CFAP251: variants seen among roughly 807,000 people sequenced by gnomAD.
The protein encoded by CFAP251 is cilia and flagella associated protein 251.
A neutral mutation model predicts 126.7 loss-of-function variants in CFAP251; 93 were observed. That is an observed-to-expected ratio of 0.73 (90% CI 0.62 to 0.87). CFAP251 has a LOEUF of 0.87. Among genes scored for constraint, CFAP251 ranks in the 40% least tolerant of loss-of-function variants. CFAP251 has a pLI of 0.00. For missense variants in CFAP251, 1,287 were observed against 1,389.2 expected (o/e 0.93, Z 1.17); for synonymous variants, 503 against 506.9 (o/e 0.99, Z 0.10).
At chr12:121,950,047 C>A (rs1881465101) in intron 8 of CFAP251, 1 of 152,218 alleles carries the variant, frequency 6.6e-6, no homozygotes, top group African/African-American at 2.4e-5. Context: ...AGCAGCAGCA[C>A]TATTTGTAAT....
At chr12:121,939,587 AG>A (rs1490560771) in intron 5 of CFAP251, among the ~76,000 whole-genome samples, 2 of 150,790 alleles carry the variant, frequency 1.3e-5, no homozygotes, top group Non-Finnish European at 2.9e-5. Context: ...AAGCAACTTG[AG>A]GGCAGTGATT....
intron 19 of CFAP251, among the ~76,000 whole-genome samples, chr12:121,985,262 G>A (rs1281356156): frequency 3.3e-5 from 5 of 152,022 alleles, no homozygotes; most frequent in South Asian, 4.1e-4. Flanking sequence ...GGCCAGGCGC[G>A]GAGGCTCACG....
At chr12:121,920,098 A>T (rs1365465879) in intron 1 of CFAP251, among the ~76,000 whole-genome samples, 1 of 150,928 alleles carries the variant, frequency 6.6e-6, no homozygotes, top group Non-Finnish European at 1.5e-5. Flanking sequence ...GCAGGAGAAT[A>T]GCTTGAACCC....
intron 7 of CFAP251, among the ~76,000 whole-genome samples, chr12:121,945,963 G>C (rs1331853151): frequency 6.6e-6 from 1 of 152,184 alleles, no homozygotes; most frequent in Non-Finnish European, 1.5e-5. Context: ...ACCATGCCTG[G>C]CCATATTTTT....
chr12:121,921,148 C>G, intron 1 of CFAP251, 138 bp from the exon 2 acceptor site: 1 of 1,011,802 alleles, frequency 9.9e-7, no homozygotes, highest in Non-Finnish European at 1.4e-6. Flanking sequence ...CGTGCCTGGT[C>G]AGAAACATGA....
Position 121,999,953 on chromosome 12 carries a change from A to G in CFAP251, c.3235+9A>G, listed in dbSNP as rs749400869. ...ACTGCTCGTTACTAAAGGTAAGCAC[A>G]TACATCAGGATGTCTGGTAACATCC... On this transcript the variant is annotated intron_variant, in intron 20 of 21. Coordinates refer to ENST00000288912, the MANE Select transcript of CFAP251 (RefSeq NM_144668.6). 4 of 1,599,756 alleles carry G rather than the reference A, an allele frequency of 2.5e-6. No individual in the cohort carries two copies. In the South Asian group the frequency reaches 3.3e-5, roughly 13 times the overall value.
In CFAP251 at chr12:121,954,322, C is replaced by G; in HGVS notation, c.1523C>G (p.Thr508Ser). 1 of 1,609,252 alleles carries G rather than the reference C, an allele frequency of 6.2e-7. No individual in the cohort carries two copies. Among genetic ancestry groups the G allele is most frequent in the African/African-American group, 1.3e-5 (1 of 74,822 alleles). The change falls in exon 10 of 22, where the codon ACC (threonine) becomes AGC (serine). Residue 508 changes from threonine (T) to serine (S), a missense_variant. Coordinates refer to ENST00000288912, the MANE Select transcript of CFAP251 (RefSeq NM_144668.6). ...HLQKEGITVL[T>S]TIDSYIVTGD... The stretch of plus-strand genomic sequence containing the variant: ...CAGAAAGAGGGTATCACGGTACTTA[C>G]CACAATTGATAGGTAATTTTAACTT...
intron 20 of CFAP251, 148 bp downstream of exon 20, chr12:122,000,092 C>T: frequency 1.5e-6 from 1 of 664,420 alleles, no homozygotes; most frequent in Non-Finnish European, 2.5e-6. Flanking sequence ...TCTGGCTGAC[C>T]CACCTGCATC....
chr12:121,987,957 G>A (rs552479572), intron 19 of CFAP251, among the ~76,000 whole-genome samples: 25 of 152,024 alleles, frequency 1.6e-4, no homozygotes, highest in African/African-American at 4.8e-4. Context: ...GCTGCAGGAC[G>A]GGGAATTTCA....
At chr12:121,965,597 G>T (rs1191161961) in intron 15 of CFAP251, among the ~76,000 whole-genome samples, 1 of 152,086 alleles carries the variant, frequency 6.6e-6, no homozygotes, top group Admixed American at 6.6e-5. Context: ...AAAAAAAAAG[G>T]AAGAGTAAGA....
intron 19 of CFAP251, chr12:121,998,192 T>C (rs976010484): frequency 2.0e-5 from 3 of 151,908 alleles, no homozygotes; most frequent in Middle Eastern, 3.4e-3. Context: ...GCTGGAACCA[T>C]AGGTGCATGC....
rs921751194 is a variant in CFAP251, at chr12:121,957,067, A to C, written c.1536-7A>C. The C allele has an allele frequency of 6.3e-7, 1 of 1,575,046 alleles. No individual in the cohort carries two copies. The highest frequency in any genetic ancestry group is 8.6e-7 in the Non-Finnish European group (1 of 1,161,450). ...ATTTGCAAAACTGATGTTATTCTCC[A>C]TTTCAGCTACATTGTCACAGGTGAC... On this transcript the variant is annotated splice_region_variant and splice_polypyrimidine_tract_variant and intron_variant, in intron 10 of 21. Coordinates refer to ENST00000288912, the MANE Select transcript of CFAP251 (RefSeq NM_144668.6).
At chr12:121,920,844 T>G (rs1455808191) in intron 1 of CFAP251, among the ~76,000 whole-genome samples, 1 of 151,444 alleles carries the variant, frequency 6.6e-6, no homozygotes, top group East Asian at 1.9e-4. Flanking sequence ...AAATATGACA[T>G]TCTTTTTTTG....
intron 19 of CFAP251, among the ~76,000 whole-genome samples, chr12:121,988,745 C>CTTTTTTTT (rs1882808687): frequency 6.8e-6 from 1 of 146,262 alleles, no homozygotes. Flanking sequence ...TCTTTTTTTT[C>CTTTTTTTT]TCTTTTTTTT....
intron 15 of CFAP251, among the ~76,000 whole-genome samples, chr12:121,965,543 A>G (rs1882091007): frequency 6.6e-6 from 1 of 152,180 alleles, no homozygotes; most frequent in Non-Finnish European, 1.5e-5. Context: ...GAGTTAAACA[A>G]TGGTTTGTCA....
intron 19 of CFAP251, among the ~76,000 whole-genome samples, chr12:121,976,528 T>C (rs1882464135): frequency 1.3e-5 from 2 of 152,254 alleles, no homozygotes; most frequent in South Asian, 4.1e-4. Context: ...ATGACCGTGC[T>C]GCAGAAGCAC....
chr12:121,951,507 A>G lies in CFAP251; in HGVS notation c.1297A>G (p.Ser433Gly), dbSNP rs776835103. The change falls in exon 9 of 22, where the codon AGT becomes GGT. Residue 433 changes from serine to glycine, a missense_variant. Coordinates refer to ENST00000288912, the MANE Select transcript of CFAP251 (RefSeq NM_144668.6). ...TGAAGAGAGGGATACACTGGCTCAC[A>G]GTGCCCCACTTTTAACTGAAAAAGT... Reference protein sequence around the residue: ...WYEERDTLAHSAPLLTEKTFN... With the variant: ...WYEERDTLAHGAPLLTEKTFN... 2.5e-6 allele frequency: 4 copies of G among 1,584,682 alleles called. No homozygotes were observed. In the South Asian group the frequency reaches 4.5e-5, roughly 18 times the overall value.
In CFAP251 at chr12:121,954,327, A is replaced by G; in HGVS notation, c.1528A>G (p.Ile510Val). 6.2e-7 allele frequency: 1 copy of G among 1,605,034 alleles called. No individual in the cohort carries two copies. Among genetic ancestry groups the G allele is most frequent in the Non-Finnish European group, 8.5e-7 (1 of 1,175,708 alleles). Residue 510 changes from isoleucine to valine, a missense_variant, in exon 10 of 22, where the codon ATT becomes GTT. Physicochemically the swap from Ile to Val is conservative, Grantham distance 29. Coordinates refer to ENST00000288912, the MANE Select transcript of CFAP251 (RefSeq NM_144668.6). Reference sequence around the variant, plus strand: ...AGAGGGTATCACGGTACTTACCACAATTGATAGGTAATTTTAACTTAATTA... The same window carrying G: ...AGAGGGTATCACGGTACTTACCACAGTTGATAGGTAATTTTAACTTAATTA... ...QKEGITVLTT[I>V]DSYIVTGDIK... is the part of the protein sequence containing the mutation.
At chr12:122,000,193 C>T (rs532231345) in intron 20 of CFAP251, among the ~76,000 whole-genome samples, 181 of 152,298 alleles carry the variant, frequency 1.2e-3, no homozygotes, top group Non-Finnish European at 1.7e-3. Context: ...CAGCAAGACT[C>T]GGCATCCTCA....
Sources: gnomAD v4.1 joint callset for allele counts (sites outside exome capture counted in the v4.1 genomes callset) on GRCh38, gnomAD v4.1.1 for gene constraint, MANE v1.5 for transcripts, NCBI Gene and HGNC (gene_info 2026-07-23, HGNC 2026-07-21) for gene names.